The following PDZRN4 variants were observed in gnomAD, a reference collection of about 807,000 sequenced individuals.
PDZRN4 encodes the protein PDZ domain-containing RING finger protein 4.
PDZRN4 carries 70 observed loss-of-function variants against 99.0 expected under a neutral mutation model. The observed-to-expected ratio is 0.71, with a 90% CI of 0.58 to 0.86. PDZRN4 has a LOEUF of 0.86. PDZRN4 is among the 40% of genes least tolerant of loss of function. The pLI is 0.00. For synonymous variants in PDZRN4, 551 were observed against 501.6 expected (o/e 1.10, Z -1.32); for missense variants, 1,474 against 1,331.2 (o/e 1.11, Z -1.67).
At chr12:41,264,333 G>T (rs1295814501) in intron 3 of PDZRN4, among the ~76,000 whole-genome samples, 3 of 152,118 alleles carry the variant, frequency 2.0e-5, no homozygotes, top group African/African-American at 4.8e-5. Flanking sequence ...TATGAATAAA[G>T]CATCATACCA....
chr12:41,522,815 AT>A (rs1489238951), intron 5 of PDZRN4, among the ~76,000 whole-genome samples: 4 of 152,154 alleles, frequency 2.6e-5, no homozygotes, highest in African/African-American at 7.2e-5. Flanking sequence ...TATCAGATCA[AT>A]CATGTGAAAA....
intron 3 of PDZRN4, among the ~76,000 whole-genome samples, chr12:41,398,122 A>T (rs1952263146): frequency 6.6e-6 from 1 of 152,132 alleles, no homozygotes; most frequent in African/African-American, 2.4e-5. Flanking sequence ...TTTGCCTGCT[A>T]TTACTATTAC....
chr12:41,458,115 C>T (rs2608692), intron 3 of PDZRN4, among the ~76,000 whole-genome samples: 78,702 of 151,964 alleles, frequency 0.52, 20,925 homozygotes, highest in African/African-American at 0.65. Flanking sequence ...AGAGTCTGAA[C>T]CTGGGAAATC....
intron 3 of PDZRN4, among the ~76,000 whole-genome samples, chr12:41,339,236 G>A (rs556451431): frequency 1.1e-3 from 172 of 151,754 alleles, no homozygotes; most frequent in African/African-American, 3.9e-3. Context: ...ACACATAGAC[G>A]AATGGAACAG....
Position 41,533,564 on chromosome 12 carries a change from A to G in PDZRN4, c.1204-19092A>G, listed in dbSNP as rs545648698. Among the ~76,000 whole-genome samples the G allele has an allele frequency of 2.0e-5, 3 of 152,330 alleles. No individual in the cohort carries two copies. The East Asian group carries it at 5.8e-4, about 29-fold the overall frequency. ...ATTTTTTATTTGAAAATATAGCTATACCAGCTTCTCTAAGTATTTTGTGGC... is the reference window on the plus strand; with the variant it reads ...ATTTTTTATTTGAAAATATAGCTATGCCAGCTTCTCTAAGTATTTTGTGGC... On this transcript the variant is annotated intron_variant, in intron 5 of 9. Transcript: ENST00000402685.
At chr12:41,348,562 G>C (rs1951870075) in intron 3 of PDZRN4, among the ~76,000 whole-genome samples, 1 of 152,004 alleles carries the variant, frequency 6.6e-6, no homozygotes, top group African/African-American at 2.4e-5. Flanking sequence ...GAATGTTCTT[G>C]ATGTAGTAGT....
intron 3 of PDZRN4, among the ~76,000 whole-genome samples, chr12:41,232,843 TC>T (rs1196725113): frequency 6.6e-6 from 1 of 152,008 alleles, no homozygotes; most frequent in Non-Finnish European, 1.5e-5. Flanking sequence ...GAATTAATTT[TC>T]GTATAAAGTG....
chr12:41,291,266 T>C (rs1951455094), intron 3 of PDZRN4, among the ~76,000 whole-genome samples: 1 of 152,104 alleles, frequency 6.6e-6, no homozygotes, highest in Non-Finnish European at 1.5e-5. Context: ...TTTGTTCTAA[T>C]AAAAAGTGTT....
At position 41,509,166 on chromosome 12, in the gene PDZRN4, G is replaced by A. The variant is rs12302262; in HGVS notation, c.1101-645G>A. On this transcript the variant is annotated intron_variant, in intron 4 of 9. Coordinates refer to ENST00000402685, the MANE Select transcript of PDZRN4 (RefSeq NM_001164595.2). Reference sequence around the variant, plus strand: ...CTCTGTCACTGAGAATTTTCTAAAGGTATTTTGAAACCTTGTGGCTTATAG... The same window carrying A: ...CTCTGTCACTGAGAATTTTCTAAAGATATTTTGAAACCTTGTGGCTTATAG... Among the ~76,000 whole-genome samples, 798 of 152,094 alleles carry A rather than the reference G, an allele frequency of 5.2e-3. 10 individuals are homozygous for A. The highest frequency in any genetic ancestry group is 0.018 in the African/African-American group (760 of 41,478).
chr12:41,397,926 A>G (rs1952261417), intron 3 of PDZRN4, among the ~76,000 whole-genome samples: 1 of 152,122 alleles, frequency 6.6e-6, no homozygotes, highest in Non-Finnish European at 1.5e-5. Flanking sequence ...AAGAGAGGTA[A>G]CATGGTTTAA....
At chr12:41,504,706 A>T (rs1368926401) in intron 3 of PDZRN4, among the ~76,000 whole-genome samples, 1 of 152,192 alleles carries the variant, frequency 6.6e-6, no homozygotes, top group Non-Finnish European at 1.5e-5. Flanking sequence ...TAGGTGTCTC[A>T]TGTCCACATA....
At chr12:41,389,529 T>C (rs1357290703) in intron 3 of PDZRN4, among the ~76,000 whole-genome samples, 1 of 152,154 alleles carries the variant, frequency 6.6e-6, no homozygotes, top group Non-Finnish European at 1.5e-5. Flanking sequence ...CTATACCATG[T>C]TTATCTTGAC....
intron 3 of PDZRN4, among the ~76,000 whole-genome samples, chr12:41,346,093 C>T (rs562310170): frequency 6.6e-6 from 1 of 152,058 alleles, no homozygotes; most frequent in Non-Finnish European, 1.5e-5. Flanking sequence ...AGATTAAGCC[C>T]CTTGTCCAAT....
In PDZRN4 at chr12:41,467,355, T is replaced by C. The variant is rs1952937424; in HGVS notation, c.844-39101T>C. Among the ~76,000 whole-genome samples, 7 of 152,242 alleles carry C rather than the reference T, an allele frequency of 4.6e-5. No homozygotes were observed. The South Asian group carries it at 1.4e-3, about 32-fold the overall frequency. Reference sequence around the variant, plus strand: ...GTAATAATAGTACATTCTTTCACAATCCATCGTCATTGAAATTAATACCCC... The same window carrying C: ...GTAATAATAGTACATTCTTTCACAACCCATCGTCATTGAAATTAATACCCC... On this transcript the variant is annotated intron_variant, in intron 3 of 9. Transcript: ENST00000402685.
chr12:41,241,086 T>C (rs1951098914), intron 3 of PDZRN4, among the ~76,000 whole-genome samples: 1 of 152,182 alleles, frequency 6.6e-6, no homozygotes, highest in Admixed American at 6.5e-5. Context: ...GTGTATCCCT[T>C]ATCCAAAATG....
intron 3 of PDZRN4, among the ~76,000 whole-genome samples, chr12:41,203,892 A>G (rs1160855016): frequency 1.3e-5 from 2 of 152,046 alleles, no homozygotes; most frequent in African/African-American, 2.4e-5. Context: ...AGGTTTGAAC[A>G]GTGGAATGAC....
intron 6 of PDZRN4, among the ~76,000 whole-genome samples, chr12:41,553,802 G>C (rs1939098319): frequency 6.6e-6 from 1 of 151,964 alleles, no homozygotes; most frequent in Non-Finnish European, 1.5e-5. Context: ...TATAAATGCA[G>C]AAGTTAGACA....
intron 3 of PDZRN4, among the ~76,000 whole-genome samples, chr12:41,500,625 T>C (rs953009887): frequency 3.3e-5 from 5 of 152,224 alleles, no homozygotes; most frequent in East Asian, 3.9e-4. Context: ...GTTTCCTTCA[T>C]ACAATTTTGC....
intron 3 of PDZRN4, among the ~76,000 whole-genome samples, chr12:41,387,174 T>G (rs1952176615): frequency 6.6e-6 from 1 of 151,930 alleles, no homozygotes; most frequent in South Asian, 2.1e-4. Context: ...ATCAACAGAG[T>G]ACATAACCTA....
Sources: gnomAD v4.1 joint callset for allele counts (sites outside exome capture counted in the v4.1 genomes callset) on GRCh38, gnomAD v4.1.1 for gene constraint, MANE v1.5 for transcripts, NCBI Gene and HGNC (gene_info 2026-07-23, HGNC 2026-07-21) for gene names.